The following MYOM1 variants were observed in gnomAD, a reference collection of about 807,000 sequenced individuals.
MYOM1 encodes the protein myomesin 1, also known as myomesin-1.
In MYOM1, 164 loss-of-function variants were observed where a neutral mutation model predicts 205.3. The observed-to-expected ratio is 0.80, with a 90% CI of 0.70 to 0.91. MYOM1 has a LOEUF of 0.91. Among genes scored for constraint, MYOM1 ranks in the 40% least tolerant of loss-of-function variants. The probability of loss-of-function intolerance (pLI) is 0.00; values close to 1 mark genes in which losing one functional copy is unlikely to be tolerated. For synonymous variants in MYOM1, 772 were observed against 789.4 expected, an observed-to-expected ratio of 0.98 and a Z score of 0.37; for missense variants, 2,011 against 2,127.3, an observed-to-expected ratio of 0.95 and a Z score of 1.08.
intron 13 of MYOM1, among the ~76,000 whole-genome samples, chr18:3,144,502 A>G (rs2143954273): frequency 6.6e-6 from 1 of 152,336 alleles, no homozygotes; most frequent in South Asian, 2.1e-4. Flanking sequence ...TGAAATGTAA[A>G]TGGTTAAAAC....
the MYOM1 span, among the ~76,000 whole-genome samples, chr18:3,237,950 G>C: frequency 6.6e-6 from 1 of 152,148 alleles, no homozygotes; most frequent in Non-Finnish European, 1.5e-5. Flanking sequence ...GATCAGTTTC[G>C]AGGAAGACGA....
intron 2 of MYOM1, among the ~76,000 whole-genome samples, chr18:3,204,428 C>G (rs2081106577): frequency 6.6e-6 from 1 of 151,880 alleles, no homozygotes; most frequent in Non-Finnish European, 1.5e-5. Flanking sequence ...TTTCCATATA[C>G]TAGCAATGAA....
intron 27 of MYOM1, among the ~76,000 whole-genome samples, chr18:3,090,296 T>C (rs1477176323): frequency 1.3e-5 from 2 of 149,558 alleles, no homozygotes; most frequent in African/African-American, 4.9e-5. Flanking sequence ...CTTGGCTCAC[T>C]GCAATCTCTG....
chr18:3,173,573 CGTGTGTGTGTGTGTGTGTGTGTGT>C, intron 8 of MYOM1, among the ~76,000 whole-genome samples: 1 of 137,006 alleles, frequency 7.3e-6, no homozygotes, highest in South Asian at 2.5e-4. Flanking sequence ...AGTCCAGACT[CGTGTGTGTGTGTGTGTGTGTGTGT>C]GTGTGTGTGT....
At chr18:3,127,305 A>ATATATATATTTTTTTTTTT (rs56880961) in intron 18 of MYOM1, among the ~76,000 whole-genome samples, 4 of 47,570 alleles carry the variant, frequency 8.4e-5, no homozygotes, top group Admixed American at 2.9e-4. Flanking sequence ...ATATATATAT[A>ATATATATATTTTTTTTTTT]TTTTTTTTTT....
rs190206485 is a variant in MYOM1, at chr18:3,070,926, A to T, written c.4764+908T>A. On this transcript the variant is annotated intron_variant, in intron 37 of 37. Coordinates refer to ENST00000356443, the MANE Select transcript of MYOM1 (RefSeq NM_003803.4). ...GGTGTGCACCACTACATTTGGCTAAATTTTGTATTTTTTGTAGAGATGGGG... is the reference window on the plus strand; with the variant it reads ...GGTGTGCACCACTACATTTGGCTAATTTTTGTATTTTTTGTAGAGATGGGG... 1.4e-3 allele frequency among the ~76,000 whole-genome samples: 215 copies of T among 151,952 alleles called. 2 individuals are homozygous for T. Among genetic ancestry groups the T allele is most frequent in the African/African-American group, 4.7e-3 (197 of 41,474 alleles).
chr18:3,117,296 G>A (rs2143821683), intron 20 of MYOM1, among the ~76,000 whole-genome samples: 1 of 152,312 alleles, frequency 6.6e-6, no homozygotes, highest in East Asian at 1.9e-4. Context: ...ACTCCCAATT[G>A]GAGGAAAATC....
intron 9 of MYOM1, among the ~76,000 whole-genome samples, 167 bp downstream of exon 9, chr18:3,168,650 A>G (rs2080507926): frequency 6.6e-6 from 1 of 152,194 alleles, no homozygotes; most frequent in South Asian, 2.1e-4. Context: ...TATCATCTCC[A>G]CAAATATGAA....
chr18:3,151,741 G>A lies in MYOM1; in HGVS notation c.1796C>T (p.Ser599Phe). 1.2e-6 allele frequency: 2 copies of A among 1,613,840 alleles called. No individual in the cohort carries two copies. The highest frequency in any genetic ancestry group is 1.7e-6 in the Non-Finnish European group (2 of 1,179,808). The change falls in exon 12 of 38, where the codon TCC becomes TTC. Residue 599 changes from serine to phenylalanine, a missense_variant. Ser to Phe is a radical substitution (Grantham distance 155). Transcript: ENST00000356443. ...CGGATCCAGAGCAGCCACGGGCTCG[G>A]AAACTCGAGATGGGAAACCTATTCC... ...KMGIGFPSRV[S>F]EPVAALDPAE... is the part of the protein sequence containing the mutation.
chr18:3,085,926 AGCTAATATAAATCCCCTG>A lies in MYOM1; in HGVS notation c.4251+94_4251+111del, dbSNP rs1452820637. The A allele has an allele frequency of 1.5e-5, 10 of 653,762 alleles. No individual in the cohort carries two copies. The African/African-American group carries it at 1.8e-4, about 12-fold the overall frequency. 40.5% of individuals were successfully genotyped at this position (653,762 alleles called of 1,614,324 possible). ...TGTGTTCCTACAGCAGTTGGAAGTAAGCTAATATAAATCCCCTGGTCATGAAAGGAATACAGAATCTAG... is the reference window on the plus strand; with the variant it reads ...TGTGTTCCTACAGCAGTTGGAAGTAAGTCATGAAAGGAATACAGAATCTAG... On this transcript the variant is annotated intron_variant, in intron 30 of 37. Transcript: ENST00000356443.
chr18:3,187,558 C>T lies in MYOM1; in HGVS notation c.851G>A (p.Arg284His), dbSNP rs766034516. The change falls in exon 5 of 38, where the codon CGC becomes CAC. Residue 284 changes from arginine to histidine, a missense_variant. By Grantham distance (29) the Arg-to-His change is conservative. Coordinates refer to ENST00000356443, the MANE Select transcript of MYOM1 (RefSeq NM_003803.4). ...CTCCTTCTCCCAAACCGTGTGGGAG[C>T]GAGGTTTAATGATAAACTCAGGAGC... ...LHAPEFIIKPRSHTVWEKENV... is the reference protein window; with the variant it reads ...LHAPEFIIKPHSHTVWEKENV... 20 of 1,613,728 alleles carry T rather than the reference C, an allele frequency of 1.2e-5. No homozygotes were observed. The highest frequency in any genetic ancestry group is 6.7e-5 in the East Asian group (3 of 44,862).
At chr18:3,198,641 G>A (rs762335184) in intron 2 of MYOM1, among the ~76,000 whole-genome samples, 15 of 152,064 alleles carry the variant, frequency 9.9e-5, no homozygotes, top group Non-Finnish European at 2.1e-4. Flanking sequence ...AAACTTAGCT[G>A]GGCGTGGTGG....
At chr18:3,154,759 A>G (rs572083741) in intron 11 of MYOM1, among the ~76,000 whole-genome samples, 188 bp downstream of exon 11, 2 of 151,320 alleles carry the variant, frequency 1.3e-5, no homozygotes, top group East Asian at 1.9e-4. Context: ...ACATACAGAG[A>G]GAAAGAGAGA....
rs28661541 is a variant in MYOM1, at chr18:3,189,921, G to A, written c.432-834C>T. On this transcript the variant is annotated intron_variant, in intron 3 of 37. Coordinates refer to ENST00000356443, the MANE Select transcript of MYOM1 (RefSeq NM_003803.4). This position sits in a 1 kb window ranked among gnomAD's most constrained non-coding sequence, Gnocchi z 4.8. ...TAATGCATTGCCTGGAGTTGTTACA[G>A]GTATGAATAAGTTCTGAATTTACAT... Among the ~76,000 whole-genome samples the A allele has an allele frequency of 6.6e-6, 1 of 152,018 alleles. No homozygotes were observed. Among genetic ancestry groups the A allele is most frequent in the Non-Finnish European group, 1.5e-5 (1 of 68,002 alleles).
Position 3,086,119 on chromosome 18 carries a change from C to T in MYOM1, c.4170G>A (p.Val1390=), listed in dbSNP as rs934328126. 6 of 1,610,392 alleles carry T rather than the reference C, an allele frequency of 3.7e-6. No individual in the cohort carries two copies. The highest frequency in any genetic ancestry group is 4.2e-6 in the Non-Finnish European group (5 of 1,178,368). ...VANIKKETHI[V]WYKDEREISV... Reference sequence around the variant, plus strand: ...ATATCTCCCTCTCATCTTTGTACCACACAATATGAGTCTCCTTCTTAATAT... The same window carrying T: ...ATATCTCCCTCTCATCTTTGTACCATACAATATGAGTCTCCTTCTTAATAT... The change falls in exon 30 of 38, where the codon GTG becomes GTA. Residue 1390 remains valine, a synonymous_variant. Coordinates refer to ENST00000356443, the MANE Select transcript of MYOM1 (RefSeq NM_003803.4).
intron 13 of MYOM1, 79 bp downstream of exon 13, chr18:3,149,066 A>AC: frequency 8.9e-7 from 1 of 1,125,248 alleles, no homozygotes; most frequent in Admixed American, 1.7e-5. Context: ...TAAGCAATAC[A>AC]CACTGCACCC....
Position 3,085,046 on chromosome 18 carries a change from T to C in MYOM1, c.4338A>G (p.Glu1446=). The change falls in exon 31 of 38, where the codon GAA becomes GAG. Residue 1446 remains glutamate, a splice_region_variant and synonymous_variant. Transcript: ENST00000356443. ...KDKSRLKLVD[E]AFKELMMEVC... ...GACCCCAGCAGTTGGTGGACTGACCTTCATCCACAAGCTTCAGTCTGCTCT... is the reference window on the plus strand; with the variant it reads ...GACCCCAGCAGTTGGTGGACTGACCCTCATCCACAAGCTTCAGTCTGCTCT... The C allele has an allele frequency of 1.2e-6, 2 of 1,601,568 alleles. No individual in the cohort carries two copies. Among genetic ancestry groups the C allele is most frequent in the Non-Finnish European group, 1.7e-6 (2 of 1,173,372 alleles).
In MYOM1 at chr18:3,202,034, T is replaced by C. The variant is rs751812663; in HGVS notation, c.291-8076A>G. Among the ~76,000 whole-genome samples the C allele has an allele frequency of 1.8e-4, 28 of 152,210 alleles. 1 individual carries two copies. Among genetic ancestry groups the C allele is most frequent in the Non-Finnish European group, 4.0e-4 (27 of 68,036 alleles). On this transcript the variant is annotated intron_variant, in intron 2 of 37. Coordinates refer to ENST00000356443, the MANE Select transcript of MYOM1 (RefSeq NM_003803.4). Reference sequence around the variant, plus strand: ...TACAACATTCATAGTTGTAATATACTTGACAACAGTGCAAAGGAGGGAGAA... The same window carrying C: ...TACAACATTCATAGTTGTAATATACCTGACAACAGTGCAAAGGAGGGAGAA...
intron 22 of MYOM1, among the ~76,000 whole-genome samples, chr18:3,107,448 T>TC (rs1342735651): frequency 1.3e-5 from 2 of 152,366 alleles, no homozygotes; most frequent in African/African-American, 4.8e-5. Context: ...CTAAGAGGAT[T>TC]ATTTGATTGG....
Sources: gnomAD v4.1 joint callset for allele counts (sites outside exome capture counted in the v4.1 genomes callset) on GRCh38, gnomAD v4.1.1 for gene constraint, Gnocchi (gnomAD v3.1) non-coding constraint, MANE v1.5 for transcripts, NCBI Gene and HGNC (gene_info 2026-07-23, HGNC 2026-07-21) for gene names.